DPP10: variants seen among roughly 807,000 people sequenced by gnomAD.
DPP10 encodes the protein dipeptidyl peptidase like 10.
In DPP10, 33 loss-of-function variants were observed where a neutral mutation model predicts 120.9. The observed-to-expected ratio is 0.27, with a 90% CI of 0.21 to 0.37. The LOEUF (loss-of-function observed/expected upper bound fraction) is 0.37, where lower values mean the gene tolerates loss of function less well. Among genes scored for constraint, DPP10 ranks in the 10% least tolerant of loss-of-function variants. The pLI is 1.00. For synonymous variants in DPP10, 337 were observed against 326.1 expected (o/e 1.03, Z -0.36); for missense variants, 816 against 942.8 (o/e 0.87, Z 1.76).
intron 3 of DPP10, among the ~76,000 whole-genome samples, chr2:115,460,115 T>C (rs2073900959): frequency 6.6e-6 from 1 of 152,066 alleles, no homozygotes; most frequent in Non-Finnish European, 1.5e-5. Context: ...TAGTATTCAT[T>C]TGAATATTCA....
chr2:115,053,580 T>G (rs1705674447), intron 1 of DPP10, among the ~76,000 whole-genome samples: 1 of 152,236 alleles, frequency 6.6e-6, no homozygotes, highest in South Asian at 2.1e-4. Flanking sequence ...TAAAGACCAC[T>G]GAATTTTACA....
At chr2:115,033,343 T>C (rs1040748848) in intron 1 of DPP10, among the ~76,000 whole-genome samples, 2 of 152,176 alleles carry the variant, frequency 1.3e-5, no homozygotes, top group Non-Finnish European at 2.9e-5. Flanking sequence ...CCATCCATAA[T>C]TGTTCTCTCC....
chr2:114,917,921 CCAAAG>C (rs991482498), intron 1 of DPP10, among the ~76,000 whole-genome samples: 5 of 152,162 alleles, frequency 3.3e-5, no homozygotes, highest in Non-Finnish European at 7.4e-5. Flanking sequence ...GACAAAGACC[CCAAAG>C]CAATGGCAAC....
rs550538555 is a variant in DPP10 at position 114,449,560 on chromosome 2, G to A, written c.60+6722G>A. Among the ~76,000 whole-genome samples, 135 of 151,920 alleles carry A rather than the reference G, an allele frequency of 8.9e-4. 1 individual carries two copies. The highest frequency in any genetic ancestry group is 1.5e-3 in the South Asian group (7 of 4,820). On this transcript the variant is annotated intron_variant, in intron 1 of 25. Transcript: ENST00000410059. ...CTGCAAACGGATATAAGGCAGATCG[G>A]ATGGCTTTTTCTTTAGAGGGGCATC...
intron 1 of DPP10, among the ~76,000 whole-genome samples, chr2:115,141,370 A>C (rs1023088585): frequency 3.9e-5 from 6 of 152,294 alleles, no homozygotes; most frequent in African/African-American, 1.4e-4. Context: ...GCCGCTTCAC[A>C]CATATTATCT....
rs540891702 is a variant in DPP10, at chr2:115,613,939, C to G, written c.442-75748C>G. ...TACTTAACTGAGAGTGACTCCCATGCCTCTCCACAGGAGGGAAAATAGTAT... is the reference window on the plus strand; with the variant it reads ...TACTTAACTGAGAGTGACTCCCATGGCTCTCCACAGGAGGGAAAATAGTAT... On this transcript the variant is annotated intron_variant, in intron 5 of 25. Coordinates refer to ENST00000410059, the MANE Select transcript of DPP10 (RefSeq NM_020868.6). 2.0e-5 allele frequency among the ~76,000 whole-genome samples: 3 copies of G among 152,264 alleles called. No individual in the cohort carries two copies. The East Asian group carries it at 5.8e-4, about 29-fold the overall frequency.
chr2:114,634,436 T>C (rs992670624), intron 1 of DPP10, among the ~76,000 whole-genome samples: 15 of 151,840 alleles, frequency 9.9e-5, no homozygotes, highest in Non-Finnish European at 2.1e-4. Flanking sequence ...GCAGAGGAGT[T>C]ATTTGCCTGA....
rs12995832 is a variant in DPP10 at position 115,511,728 on chromosome 2, C to T, written c.366+12124C>T. Among the ~76,000 whole-genome samples the T allele has an allele frequency of 0.016, 1,113 of 71,072 alleles. 41 individuals are homozygous for T. The East Asian group carries it at 0.17, about 11-fold the overall frequency. The allele number at this position is 71,072 out of a possible 152,430, so 46.6% of individuals were successfully genotyped here. A position where few individuals can be genotyped will look rare whatever the true frequency, so the allele number is the denominator to read the frequency against. Reference sequence around the variant, plus strand: ...TCTTCTTCTTCTTCTTCTTCTTCTTCTTCTTTTTTTTTTTTTTGACACAGG... The same window carrying T: ...TCTTCTTCTTCTTCTTCTTCTTCTTTTTCTTTTTTTTTTTTTTGACACAGG... On this transcript the variant is annotated intron_variant, in intron 4 of 25. Transcript: ENST00000410059.
rs1436466093 is a variant in DPP10, at chr2:115,514,903, T to C, written c.367-10995T>C. On this transcript the variant is annotated intron_variant, in intron 4 of 25. Transcript: ENST00000410059. ...AAAATCTTCTACAGAAATATGTTTG[T>C]ATATATCTTCATGGATCTATACATA... Among the ~76,000 whole-genome samples the C allele has an allele frequency of 4.0e-5, 6 of 151,878 alleles. No homozygotes were observed. In the South Asian group the frequency reaches 1.0e-3, roughly 26 times the overall value.
chr2:114,561,662 T>C (rs1029839620), intron 1 of DPP10, among the ~76,000 whole-genome samples: 16 of 152,226 alleles, frequency 1.1e-4, no homozygotes, highest in East Asian at 5.8e-4. Context: ...TTTTTTTTTT[T>C]CCCAATTAGA....
intron 1 of DPP10, among the ~76,000 whole-genome samples, chr2:115,005,357 G>T (rs1393571314): frequency 2.6e-5 from 4 of 152,172 alleles, no homozygotes; most frequent in Non-Finnish European, 5.9e-5. Context: ...ATGGAACAAA[G>T]CTGGACGGAG....
intron 1 of DPP10, among the ~76,000 whole-genome samples, chr2:114,716,663 G>C (rs1337165303): frequency 6.6e-6 from 1 of 152,110 alleles, no homozygotes; most frequent in African/African-American, 2.4e-5. Flanking sequence ...TTCTTAACTG[G>C]TTGATCTTCC....
chr2:114,832,319 G>A (rs979458472), intron 1 of DPP10, among the ~76,000 whole-genome samples: 1 of 152,188 alleles, frequency 6.6e-6, no homozygotes, highest in Admixed American at 6.5e-5. Flanking sequence ...GGATCAGGAG[G>A]TCAGGAGATC....
At chr2:115,796,050 C>T (rs1684491156) in intron 19 of DPP10, among the ~76,000 whole-genome samples, 1 of 152,082 alleles carries the variant, frequency 6.6e-6, no homozygotes, top group Non-Finnish European at 1.5e-5. Flanking sequence ...TGCGTTTTCC[C>T]TCACACTACG....
At chr2:115,429,603 C>T (rs893046972) in intron 3 of DPP10, among the ~76,000 whole-genome samples, 2 of 152,152 alleles carry the variant, frequency 1.3e-5, no homozygotes, top group Non-Finnish European at 1.5e-5. Context: ...CTTTAAAAAT[C>T]TCATGCATAT....
At chr2:114,840,145 G>A (rs1033517197) in intron 1 of DPP10, among the ~76,000 whole-genome samples, 3 of 152,152 alleles carry the variant, frequency 2.0e-5, no homozygotes, top group African/African-American at 7.2e-5. Flanking sequence ...CAATTTTAAT[G>A]AAATCCTTTA....
intron 5 of DPP10, among the ~76,000 whole-genome samples, chr2:115,634,408 G>A (rs2086152093): frequency 6.6e-6 from 1 of 152,032 alleles, no homozygotes; most frequent in African/African-American, 2.4e-5. Context: ...TTTTGTTGAC[G>A]TTATTGTTAT....
chr2:115,116,852 TAAAATC>T (rs1158149075), intron 1 of DPP10, among the ~76,000 whole-genome samples: 1 of 152,216 alleles, frequency 6.6e-6, no homozygotes, highest in Non-Finnish European at 1.5e-5. Context: ...TCTTTCTAGT[TAAAATC>T]AATACATAAT....
intron 19 of DPP10, among the ~76,000 whole-genome samples, chr2:115,793,109 G>A (rs938863127): frequency 2.0e-5 from 3 of 152,086 alleles, no homozygotes; most frequent in Non-Finnish European, 2.9e-5. Flanking sequence ...TTTATAAGAG[G>A]AATATAAGGA....
Sources: gnomAD v4.1 joint callset for allele counts (sites outside exome capture counted in the v4.1 genomes callset) on GRCh38, gnomAD v4.1.1 for gene constraint, MANE v1.5 for transcripts, NCBI Gene and HGNC (gene_info 2026-07-23, HGNC 2026-07-21) for gene names.